NTN4: variants seen among roughly 807,000 people sequenced by gnomAD.
The protein encoded by NTN4 is netrin-4.
Under a neutral mutation model 73.6 loss-of-function variants are expected in NTN4, and 32 were observed. That is an observed-to-expected ratio of 0.44 (90% confidence interval 0.33 to 0.58). NTN4 has a LOEUF of 0.58. Ranked by LOEUF, NTN4 falls within the 20% of genes least tolerant of loss-of-function variation. NTN4 has a pLI of 0.04. For missense variants in NTN4, 654 were observed against 798.3 expected (o/e 0.82, Z 2.18); for synonymous variants, 258 against 287.5 (o/e 0.90, Z 1.04).
intron 5 of NTN4, among the ~76,000 whole-genome samples, 190 bp downstream of exon 5, chr12:95,710,251 A>C (rs1280083812): frequency 3.3e-5 from 5 of 152,216 alleles, no homozygotes. Flanking sequence ...ACTTTGATGA[A>C]TATTATACTG....
rs138575927 is a variant in NTN4 at position 95,684,752 on chromosome 12, G to A, written c.1181-1041C>T. ...AGTTGAACAAAGTGTATATCTATGT[G>A]TTTGTATACATACATATATACACTT... On this transcript the variant is annotated intron_variant, in intron 5 of 9. Coordinates refer to ENST00000343702, the MANE Select transcript of NTN4 (RefSeq NM_021229.4). Among the ~76,000 whole-genome samples the A allele has an allele frequency of 7.0e-3, 1,070 of 152,268 alleles. 7 individuals are homozygous for A. Among genetic ancestry groups the A allele is most frequent in the Non-Finnish European group, 9.2e-3 (629 of 68,028 alleles).
chr12:95,752,812 A>G (rs2121222310), intron 2 of NTN4, among the ~76,000 whole-genome samples: 1 of 152,332 alleles, frequency 6.6e-6, no homozygotes, highest in Admixed American at 6.5e-5. Flanking sequence ...GTCTGCGTGC[A>G]GCGGCTGCCG....
intron 5 of NTN4, among the ~76,000 whole-genome samples, chr12:95,695,243 G>A (rs1247321047): frequency 6.6e-6 from 1 of 152,144 alleles, no homozygotes; most frequent in Admixed American, 6.5e-5. Context: ...ACCCAAAAGA[G>A]GGGTAGGATG....
At chr12:95,747,638 T>C (rs1361124001) in intron 2 of NTN4, among the ~76,000 whole-genome samples, 3 of 152,142 alleles carry the variant, frequency 2.0e-5, no homozygotes, top group African/African-American at 7.2e-5. Flanking sequence ...TTATGCTATG[T>C]TTTGATGCAT....
intron 7 of NTN4, 49 bp from the exon 8 acceptor site, chr12:95,670,195 A>G (rs1190408707): frequency 9.1e-7 from 1 of 1,096,560 alleles, no homozygotes; most frequent in Non-Finnish European, 1.4e-6. Context: ...AAAGCAAAGA[A>G]AGAAAAAATA....
intron 2 of NTN4, among the ~76,000 whole-genome samples, chr12:95,766,832 G>C (rs1238093286): frequency 1.3e-5 from 2 of 152,154 alleles, no homozygotes; most frequent in African/African-American, 2.4e-5. Context: ...TGGCAGTCAT[G>C]GTATACTGTT....
At chr12:95,758,776 G>T (rs538150938) in intron 2 of NTN4, among the ~76,000 whole-genome samples, 95 of 152,202 alleles carry the variant, frequency 6.2e-4, no homozygotes, top group Non-Finnish European at 1.0e-3. Flanking sequence ...TGTTGCCCAG[G>T]CTGGTCTCAA....
At chr12:95,765,810 C>T (rs1041882235) in intron 2 of NTN4, among the ~76,000 whole-genome samples, 2 of 152,172 alleles carry the variant, frequency 1.3e-5, no homozygotes, top group African/African-American at 2.4e-5. Flanking sequence ...TAGTCTTTCT[C>T]ACATTGATCC....
chr12:95,710,589 G>A lies in NTN4; in HGVS notation c.1032C>T (p.Asp344=), dbSNP rs369730342. 7.2e-5 allele frequency: 117 copies of A among 1,613,992 alleles called. No individual in the cohort carries two copies. In the African/African-American group the frequency reaches 8.5e-4, roughly 12 times the overall value. The change falls in exon 5 of 10, where the codon GAC becomes GAT. Residue 344 remains aspartate (D), a synonymous_variant. Coordinates refer to ENST00000343702, the MANE Select transcript of NTN4 (RefSeq NM_021229.4). ...CNGHADTCHF[D]VNVWEASGNR... ...TCCCTGATGCCTCCCACACATTAACGTCGAAGTGACAGGTATCAGCATGCC... is the reference window on the plus strand; with the variant it reads ...TCCCTGATGCCTCCCACACATTAACATCGAAGTGACAGGTATCAGCATGCC...
chr12:95,699,781 T>C (rs79733258), intron 5 of NTN4, among the ~76,000 whole-genome samples: 155 of 152,324 alleles, frequency 1.0e-3, no homozygotes, highest in African/African-American at 3.4e-3. Flanking sequence ...ATTCACTCTG[T>C]GCTAAAGGGC....
Position 95,683,622 on chromosome 12 carries a change from G to T in NTN4, c.1270C>A (p.Pro424Thr), listed in dbSNP as rs1338421200. The change falls in exon 6 of 10, where the codon CCT becomes ACT. Residue 424 changes from proline to threonine, a missense_variant. Pro to Thr is a conservative substitution (Grantham distance 38). Transcript: ENST00000343702. ...DPSNGDCPCK[P>T]GVAGRRCDRC... ...TCACAACGTCGCCCTGCCACCCCAG[G>T]CTTGCAAGGGCAGTCACCATTGCTG... 3.1e-6 allele frequency: 5 copies of T among 1,614,142 alleles called. No homozygotes were observed. The highest frequency in any genetic ancestry group is 4.2e-6 in the Non-Finnish European group (5 of 1,180,016).
intron 2 of NTN4, among the ~76,000 whole-genome samples, chr12:95,780,987 A>G (rs2079129164): frequency 6.6e-6 from 1 of 152,228 alleles, no homozygotes; most frequent in Admixed American, 6.5e-5. Context: ...TGATGAGTTC[A>G]TGTCCTTTGT....
chr12:95,690,917 C>T (rs1403740804), intron 5 of NTN4, among the ~76,000 whole-genome samples: 2 of 152,128 alleles, frequency 1.3e-5, no homozygotes, highest in African/African-American at 4.8e-5. Context: ...CTCCCTTCTA[C>T]CATATATTTT....
intron 5 of NTN4, among the ~76,000 whole-genome samples, chr12:95,709,410 A>G (rs982007416): frequency 2.0e-5 from 3 of 152,214 alleles, no homozygotes; most frequent in African/African-American, 7.2e-5. Flanking sequence ...CCCTGCATGC[A>G]CCCTTTACAT....
At position 95,789,470 on chromosome 12, in the gene NTN4, C is replaced by T. The variant is rs956979514; in HGVS notation, c.55+785G>A. On this transcript the variant is annotated intron_variant, in intron 1 of 9. Coordinates refer to ENST00000343702, the MANE Select transcript of NTN4 (RefSeq NM_021229.4). This position sits in a 1 kb window ranked among gnomAD's most constrained non-coding sequence, Gnocchi z 4.0. ...GACCCGCAAGAGGGAGGGAGAGGAGCAGAAGGGGCTCCCGAATACAGAAAC... is the reference window on the plus strand; with the variant it reads ...GACCCGCAAGAGGGAGGGAGAGGAGTAGAAGGGGCTCCCGAATACAGAAAC... 6.6e-6 allele frequency among the ~76,000 whole-genome samples: 1 copy of T among 152,182 alleles called. No homozygotes were observed. Among genetic ancestry groups the T allele is most frequent in the African/African-American group, 2.4e-5 (1 of 41,436 alleles).
chr12:95,770,214 A>T (rs1465285776), intron 2 of NTN4, among the ~76,000 whole-genome samples: 1 of 152,236 alleles, frequency 6.6e-6, no homozygotes, highest in Non-Finnish European at 1.5e-5. Flanking sequence ...GGGAATGAGT[A>T]AGAAAGGTGG....
At chr12:95,771,003 T>C (rs865933804) in intron 2 of NTN4, among the ~76,000 whole-genome samples, 3 of 115,390 alleles carry the variant, frequency 2.6e-5, no homozygotes, top group South Asian at 2.6e-4. Flanking sequence ...TTTTTTTTTT[T>C]TTTTGAGACA....
chr12:95,774,869 T>C (rs937264280), intron 2 of NTN4, among the ~76,000 whole-genome samples: 2 of 152,104 alleles, frequency 1.3e-5, no homozygotes. Flanking sequence ...TTGTAAGGAG[T>C]GTGAAGGAAC....
Position 95,780,652 on chromosome 12 carries a change from C to T in NTN4, c.585+6287G>A, listed in dbSNP as rs534699669. 1.4e-4 allele frequency among the ~76,000 whole-genome samples: 22 copies of T among 152,298 alleles called. No homozygotes were observed. The East Asian group carries it at 4.2e-3, about 29-fold the overall frequency. ...TAATCATTAAAAAGCCAGGAAACAA[C>T]AGGTGCTGGAGAGGATGTGGAGAAA... On this transcript the variant is annotated intron_variant, in intron 2 of 9. Coordinates refer to ENST00000343702, the MANE Select transcript of NTN4 (RefSeq NM_021229.4).
Sources: allele counts gnomAD v4.1 joint callset (sites outside exome capture counted in the v4.1 genomes callset), GRCh38; gene constraint gnomAD v4.1.1; non-coding constraint Gnocchi (gnomAD v3.1); transcripts MANE v1.5; gene names NCBI Gene and HGNC (gene_info 2026-07-23, HGNC 2026-07-21).